COL23A1: variants seen among roughly 807,000 people sequenced by gnomAD.
COL23A1 encodes the protein collagen alpha-1(XXIII) chain.
In COL23A1, 97 loss-of-function variants were observed where a neutral mutation model predicts 99.3. The observed-to-expected ratio is 0.98, with a 90% confidence interval of 0.83 to 1.16. The LOEUF (loss-of-function observed/expected upper bound fraction) is 1.16. Among genes scored for constraint, COL23A1 ranks in the 50% most tolerant of loss-of-function variants. The probability of loss-of-function intolerance (pLI) is 0.00; values close to 1 mark genes in which losing one functional copy is unlikely to be tolerated. For synonymous variants in COL23A1, 320 were observed against 308.2 expected (o/e 1.04, Z -0.40); for missense variants, 762 against 757.4 (o/e 1.01, Z -0.07).
At chr5:178,324,406 T>C (rs924681975) in intron 2 of COL23A1, among the ~76,000 whole-genome samples, 1 of 152,114 alleles carries the variant, frequency 6.6e-6, no homozygotes, top group African/African-American at 2.4e-5. Context: ...ATGGCTGGAG[T>C]CAAGTTGTGA....
chr5:178,553,890 T>C (rs58997881), intron 2 of COL23A1, among the ~76,000 whole-genome samples: 135 of 152,320 alleles, frequency 8.9e-4, no homozygotes, highest in African/African-American at 3.0e-3. Flanking sequence ...AGCTCCCGAC[T>C]GATGGCGACG....
chr5:178,252,746 TCAGGC>T (rs1177579559), intron 16 of COL23A1, 149 bp from the exon 17 acceptor site: 1 of 649,196 alleles, frequency 1.5e-6, no homozygotes, highest in Non-Finnish European at 2.6e-6. Flanking sequence ...CCCAGTCAGG[TCAGGC>T]CACACTGTGC....
intron 2 of COL23A1, among the ~76,000 whole-genome samples, chr5:178,454,609 A>G (rs1767666376): frequency 6.6e-6 from 1 of 152,168 alleles, no homozygotes; most frequent in African/African-American, 2.4e-5. Context: ...CAGAATTATG[A>G]GACTCAGAAG....
chr5:178,587,667 G>C (rs628857), intron 1 of COL23A1, among the ~76,000 whole-genome samples: 61,507 of 152,044 alleles, frequency 0.4, 12,913 homozygotes, highest in Middle Eastern at 0.56. Flanking sequence ...CCGAGATTTT[G>C]AGTTCAATAT....
chr5:178,263,112 G>A, intron 9 of COL23A1, 96 bp downstream of exon 9: 1 of 888,932 alleles, frequency 1.1e-6, no homozygotes, highest in Non-Finnish European at 1.9e-6. Flanking sequence ...TGTGGGGTCT[G>A]CACTAGAGAT....
At chr5:178,411,176 T>C (rs1277132761) in intron 2 of COL23A1, among the ~76,000 whole-genome samples, 17 of 152,230 alleles carry the variant, frequency 1.1e-4, no homozygotes, top group African/African-American at 1.4e-4. Context: ...TGTGGAAAAA[T>C]TGGAACCTTT....
chr5:178,362,937 C>T (rs1371863125), intron 2 of COL23A1, among the ~76,000 whole-genome samples: 2 of 104,828 alleles, frequency 1.9e-5, no homozygotes, highest in African/African-American at 3.7e-5. Context: ...AGCAACCCAC[C>T]CCCACAGCAA....
intron 2 of COL23A1, among the ~76,000 whole-genome samples, chr5:178,361,299 G>A (rs533989987): frequency 2.6e-5 from 4 of 152,282 alleles, no homozygotes; most frequent in Admixed American, 6.5e-5. Context: ...AAACTGAGAC[G>A]ATCTCTTGAG....
rs909685234 is a variant in COL23A1 at position 178,309,443 on chromosome 5, G to A, written c.362-2524C>T. On this transcript the variant is annotated intron_variant, in intron 2 of 28. Transcript: ENST00000390654. The surrounding 1 kb of genome is among the most constrained non-coding windows in gnomAD (Gnocchi z 4.7). ...GTGACCCCGACTGAATAGGGCCCTC[G>A]TGGAGGGAGAGAATGAAGCTGGTCA... Among the ~76,000 whole-genome samples the A allele has an allele frequency of 3.9e-5, 6 of 152,106 alleles. No homozygotes were observed. Among genetic ancestry groups the A allele is most frequent in the African/African-American group, 9.7e-5 (4 of 41,412 alleles).
intron 2 of COL23A1, among the ~76,000 whole-genome samples, chr5:178,438,228 T>C (rs1766668799): frequency 6.6e-6 from 1 of 152,102 alleles, no homozygotes; most frequent in South Asian, 2.1e-4. Flanking sequence ...CTTTACAATA[T>C]CAAGCTGAAA....
At chr5:178,274,056 C>T (rs912868624) in intron 5 of COL23A1, among the ~76,000 whole-genome samples, 1 of 152,230 alleles carries the variant, frequency 6.6e-6, no homozygotes, top group African/African-American at 2.4e-5. Flanking sequence ...TGCCTGGAGA[C>T]AGGGATTCCA....
intron 3 of COL23A1, among the ~76,000 whole-genome samples, chr5:178,291,309 C>G (rs183134749): frequency 6.6e-6 from 1 of 152,282 alleles, no homozygotes; most frequent in East Asian, 1.9e-4. Context: ...CTAACGGGAC[C>G]AGTAGTGAGT....
At chr5:178,377,166 G>A (rs1348027572) in intron 2 of COL23A1, among the ~76,000 whole-genome samples, 1 of 152,198 alleles carries the variant, frequency 6.6e-6, no homozygotes, top group East Asian at 1.9e-4. Context: ...TGGGCAGCGG[G>A]TAGGAACCAG....
At chr5:178,328,020 A>T (rs1347428056) in intron 2 of COL23A1, among the ~76,000 whole-genome samples, 6 of 152,194 alleles carry the variant, frequency 3.9e-5, no homozygotes, top group Non-Finnish European at 7.4e-5. Context: ...TGCGTGCCCA[A>T]TTCCAGGCTC....
At chr5:178,272,733 C>T (rs1174337758) in intron 5 of COL23A1, among the ~76,000 whole-genome samples, 2 of 152,158 alleles carry the variant, frequency 1.3e-5, no homozygotes, top group Non-Finnish European at 2.9e-5. Flanking sequence ...AAATTTGGCC[C>T]TGCCCCTTGT....
At position 178,590,311 on chromosome 5, in the gene COL23A1, T is replaced by A. The variant is rs1033513217; in HGVS notation, c.-114A>T. 1.0e-6 allele frequency: 1 copy of A among 978,346 alleles called. No homozygotes were observed. Among genetic ancestry groups the A allele is most frequent in the African/African-American group, 1.7e-5 (1 of 57,862 alleles). The allele number at this position is 978,346 out of a possible 1,614,324, so 60.6% of individuals were successfully genotyped here. A position where few individuals can be genotyped will look rare whatever the true frequency, so the allele number is the denominator to read the frequency against. ...GCACGAGGTCCGCCGGGCGCGGGGG[T>A]TAGCCTCCGGGTAGCAGCGGATCGC... On this transcript the variant is annotated 5_prime_UTR_variant, in exon 1 of 29. Coordinates refer to ENST00000390654, the MANE Select transcript of COL23A1 (RefSeq NM_173465.4). This position sits in a 1 kb window ranked among gnomAD's most constrained non-coding sequence, Gnocchi z 5.7.
intron 2 of COL23A1, among the ~76,000 whole-genome samples, chr5:178,321,208 C>T (rs543114244): frequency 2.6e-5 from 4 of 152,342 alleles, no homozygotes; most frequent in African/African-American, 4.8e-5. Flanking sequence ...AGCACAGTCA[C>T]GCTGTTGTGC....
chr5:178,501,019 G>A (rs1478349879), intron 2 of COL23A1, among the ~76,000 whole-genome samples: 4 of 152,168 alleles, frequency 2.6e-5, no homozygotes, highest in Non-Finnish European at 5.9e-5. Context: ...CAAGTCAATA[G>A]GGCCCAGTTT....
chr5:178,445,561 T>G (rs983176499), intron 2 of COL23A1, among the ~76,000 whole-genome samples: 1 of 151,980 alleles, frequency 6.6e-6, no homozygotes. Context: ...CTGAAAAGAG[T>G]TGACATCTAA....
Sources: allele counts gnomAD v4.1 joint callset (sites outside exome capture counted in the v4.1 genomes callset), GRCh38; gene constraint gnomAD v4.1.1; non-coding constraint Gnocchi (gnomAD v3.1); transcripts MANE v1.5; gene names NCBI Gene and HGNC (gene_info 2026-07-23, HGNC 2026-07-21).